The following TUSC3 variants were observed in gnomAD, a reference collection of about 807,000 sequenced individuals.
TUSC3 encodes tumor suppressor candidate 3.
A neutral mutation model predicts 44.8 loss-of-function variants in TUSC3; 45 were observed. That is an observed-to-expected ratio of 1.00 (90% CI 0.79 to 1.29). The LOEUF is 1.29. Among genes scored for constraint, TUSC3 ranks in the 50% most tolerant of loss-of-function variants. The pLI, the probability that TUSC3 is intolerant of heterozygous loss-of-function variation, is 0.00. For synonymous variants in TUSC3, 212 were observed against 152.9 expected (o/e 1.39, Z -2.85); for missense variants, 519 against 437.9 (o/e 1.19, Z -1.65).
chr8:15,803,731 G>T, the TUSC3 span, among the ~76,000 whole-genome samples: 2 of 152,018 alleles, frequency 1.3e-5, no homozygotes, highest in African/African-American at 4.8e-5. Context: ...CCCCTGGCAG[G>T]CCCCAGTGGT....
At chr8:15,450,466 A>T (rs1800182057) in intron 1 of TUSC3, among the ~76,000 whole-genome samples, 1 of 152,144 alleles carries the variant, frequency 6.6e-6, no homozygotes, top group Non-Finnish European at 1.5e-5. Flanking sequence ...CAGGCAGATC[A>T]CAAGGTCAGG....
chr8:15,723,786 C>G (rs1479808384), intron 6 of TUSC3, among the ~76,000 whole-genome samples: 1 of 152,074 alleles, frequency 6.6e-6, no homozygotes, highest in Non-Finnish European at 1.5e-5. Flanking sequence ...AGTATCCTTT[C>G]CTGGACATTA....
At chr8:15,649,547 G>C (rs1442625147) in intron 2 of TUSC3, among the ~76,000 whole-genome samples, 1 of 150,622 alleles carries the variant, frequency 6.6e-6, no homozygotes, top group Non-Finnish European at 1.5e-5. Context: ...TCGCGCCACT[G>C]CACTCCAGCC....
At chr8:15,434,710 G>A (rs1485967689) in intron 1 of TUSC3, among the ~76,000 whole-genome samples, 3 of 148,938 alleles carry the variant, frequency 2.0e-5, no homozygotes, top group South Asian at 2.2e-4. Context: ...AACAGGCCCC[G>A]GTGTGTGATA....
At chr8:15,816,438 A>G in the TUSC3 span, among the ~76,000 whole-genome samples, 1 of 151,936 alleles carries the variant, frequency 6.6e-6, no homozygotes, top group East Asian at 1.9e-4. Context: ...TGATAGTAAA[A>G]CTCTTGACAA....
intron 2 of TUSC3, among the ~76,000 whole-genome samples, chr8:15,527,207 C>T (rs1397416400): frequency 6.6e-6 from 1 of 152,006 alleles, no homozygotes; most frequent in African/African-American, 2.4e-5. Context: ...CTATGTGCAG[C>T]TTGAATGCTT....
chr8:15,844,073 C>T, the TUSC3 span, among the ~76,000 whole-genome samples: 1 of 152,102 alleles, frequency 6.6e-6, no homozygotes, highest in African/African-American at 2.4e-5. Context: ...ATCTCTTCTA[C>T]CTCTGAAGGA....
chr8:15,803,139 G>C, the TUSC3 span, among the ~76,000 whole-genome samples: 1 of 152,124 alleles, frequency 6.6e-6, no homozygotes, highest in Non-Finnish European at 1.5e-5. Flanking sequence ...ATCATAACCA[G>C]TGCACGAAGT....
intron 1 of TUSC3, among the ~76,000 whole-genome samples, chr8:15,433,876 A>T (rs1189851059): frequency 6.6e-6 from 1 of 152,162 alleles, no homozygotes; most frequent in African/African-American, 2.4e-5. Flanking sequence ...ACAGAAATCA[A>T]GCTATAAATA....
At chr8:15,505,742 T>G (rs1255390349) in intron 2 of TUSC3, among the ~76,000 whole-genome samples, 3 of 152,232 alleles carry the variant, frequency 2.0e-5, no homozygotes, top group Non-Finnish European at 2.9e-5. Context: ...AATTGTAAAG[T>G]TAAAATGTAT....
At chr8:15,606,502 A>G (rs985045830) in intron 1 of TUSC3, among the ~76,000 whole-genome samples, 6 of 152,044 alleles carry the variant, frequency 3.9e-5, no homozygotes, top group East Asian at 3.9e-4. Flanking sequence ...TATTATTTCA[A>G]ATATTTAGCA....
Position 15,650,272 on chromosome 8 carries a change from G to A in TUSC3, c.309-425G>A, listed in dbSNP as rs369136504. Among the ~76,000 whole-genome samples the A allele has an allele frequency of 3.4e-3, 521 of 152,142 alleles. 3 individuals are homozygous for A. The highest frequency in any genetic ancestry group is 0.012 in the African/African-American group (498 of 41,502). ...AAGTTGCAAATATTCTTAAAAATTG[G>A]TCTTTGCATTTTACTAAACATTATT... On this transcript the variant is annotated intron_variant, in intron 2 of 10. Coordinates refer to ENST00000503731, the MANE Select transcript of TUSC3 (RefSeq NM_006765.4).
chr8:15,800,726 T>G, the TUSC3 span, among the ~76,000 whole-genome samples: 1 of 152,186 alleles, frequency 6.6e-6, no homozygotes, highest in Non-Finnish European at 1.5e-5. Context: ...AAAAAGTGCC[T>G]TCTTAGTATT....
intron 1 of TUSC3, among the ~76,000 whole-genome samples, chr8:15,448,044 A>T (rs2129119742): frequency 6.7e-6 from 1 of 149,366 alleles, no homozygotes; most frequent in Non-Finnish European, 1.5e-5. Context: ...CTACCGTATC[A>T]CACAGCACAG....
the TUSC3 span, among the ~76,000 whole-genome samples, chr8:15,793,025 T>C: frequency 6.6e-6 from 1 of 152,036 alleles, no homozygotes; most frequent in East Asian, 1.9e-4. Context: ...TGAGAAGAGA[T>C]GTTTCTCTTC....
chr8:15,683,060 T>C (rs1483340039), intron 6 of TUSC3, among the ~76,000 whole-genome samples: 2 of 152,152 alleles, frequency 1.3e-5, no homozygotes, highest in African/African-American at 4.8e-5. Flanking sequence ...ATATGACCCT[T>C]TTCTCTAGCT....
chr8:15,484,677 A>T (rs1454165486), intron 2 of TUSC3, among the ~76,000 whole-genome samples: 2 of 152,230 alleles, frequency 1.3e-5, no homozygotes, highest in Non-Finnish European at 2.9e-5. Context: ...AATCAGATTA[A>T]CATAGGCAAT....
rs935260798 is a variant in TUSC3, at chr8:15,561,993, A to T, written c.138+21425A>T. The stretch of plus-strand genomic sequence containing the variant: ...GTTGCTCAGGCTGGGAGCTGTAGAC[A>T]GGAGCTGTTCCTATTCGGCCATCTT... On this transcript the variant is annotated intron_variant, in intron 1 of 10. Transcript: ENST00000503731. Among the ~76,000 whole-genome samples the T allele has an allele frequency of 3.9e-5, 6 of 152,314 alleles. No individual in the cohort carries two copies. The South Asian group carries it at 1.2e-3, about 32-fold the overall frequency.
chr8:15,836,809 G>C, the TUSC3 span, among the ~76,000 whole-genome samples: 4 of 151,848 alleles, frequency 2.6e-5, no homozygotes, highest in Non-Finnish European at 5.9e-5. Context: ...TTTAATTTTA[G>C]CTGTTAAAAA....
Sources: allele counts gnomAD v4.1 joint callset (sites outside exome capture counted in the v4.1 genomes callset), GRCh38; gene constraint gnomAD v4.1.1; transcripts MANE v1.5; gene names NCBI Gene and HGNC (gene_info 2026-07-23, HGNC 2026-07-21).